The following ABLIM3 variants were observed in gnomAD, a reference collection of about 807,000 sequenced individuals.
ABLIM3 encodes the protein actin-binding LIM protein 3.
In ABLIM3, 61 loss-of-function variants were observed where a neutral mutation model predicts 109.5. That is an observed-to-expected ratio of 0.56 (90% CI 0.45 to 0.69). ABLIM3 has a LOEUF of 0.69. Ranked by LOEUF, ABLIM3 falls within the 30% of genes least tolerant of loss-of-function variation. The pLI is 0.00. For synonymous variants in ABLIM3, 300 were observed against 324.8 expected (o/e 0.92, Z 0.82); for missense variants, 796 against 889.5 (o/e 0.89, Z 1.34).
chr5:149,225,762 A>G (rs943774199), intron 8 of ABLIM3, among the ~76,000 whole-genome samples: 6 of 151,594 alleles, frequency 4.0e-5, no homozygotes, highest in Non-Finnish European at 8.8e-5. Context: ...ATGCTTTTGC[A>G]TCCTCATAGC....
intron 2 of ABLIM3, among the ~76,000 whole-genome samples, chr5:149,171,206 A>G (rs1755387002): frequency 6.6e-6 from 1 of 152,000 alleles, no homozygotes; most frequent in Non-Finnish European, 1.5e-5. Context: ...AATCTCCCCT[A>G]CCCTAGCCTG....
chr5:149,219,840 A>C (rs192882712), intron 8 of ABLIM3: 38 of 152,256 alleles, frequency 2.5e-4, no homozygotes, highest in African/African-American at 7.9e-4. Context: ...CTAGTATTGA[A>C]ACTGCCCTCC....
intron 8 of ABLIM3, among the ~76,000 whole-genome samples, chr5:149,225,467 G>A (rs528401530): frequency 1.2e-4 from 19 of 152,288 alleles, no homozygotes; most frequent in South Asian, 6.2e-4. Context: ...AGGTTCATCC[G>A]TATAATAGCA....
chr5:149,233,176 C>G, intron 9 of ABLIM3, 53 bp from the exon 10 acceptor site: 1 of 1,556,962 alleles, frequency 6.4e-7, no homozygotes, highest in Non-Finnish European at 8.9e-7. Flanking sequence ...TCACCCTCCC[C>G]ACCAAGCTCA....
chr5:149,225,982 G>GTATATATATATATA (rs58844908), intron 8 of ABLIM3, among the ~76,000 whole-genome samples: 4 of 45,522 alleles, frequency 8.8e-5, no homozygotes, highest in Admixed American at 3.2e-4. Context: ...GTGTGTGTGT[G>GTATATATATATATA]TATATATATA....
At chr5:149,194,865 G>A (rs911545528) in intron 3 of ABLIM3, among the ~76,000 whole-genome samples, 8 of 152,158 alleles carry the variant, frequency 5.3e-5, no homozygotes, top group African/African-American at 9.7e-5. Context: ...TAAGGAATTG[G>A]TGATGTTCTG....
chr5:149,252,266 G>A, intron 22 of ABLIM3, 58 bp downstream of exon 22: 1 of 1,591,546 alleles, frequency 6.3e-7, no homozygotes, highest in Non-Finnish European at 8.6e-7. Context: ...GCTACACTGG[G>A]GATCACCAGG....
intron 8 of ABLIM3, among the ~76,000 whole-genome samples, chr5:149,226,196 A>G (rs540558079): frequency 1.1e-4 from 17 of 151,798 alleles, no homozygotes; most frequent in African/African-American, 4.1e-4. Flanking sequence ...GGTGAAAAAA[A>G]AATCCAGAGG....
chr5:149,235,812 T>C (rs549705994), intron 10 of ABLIM3, among the ~76,000 whole-genome samples: 1 of 151,652 alleles, frequency 6.6e-6, no homozygotes, highest in East Asian at 1.9e-4. Flanking sequence ...CCTCAAAGAG[T>C]TCAACTGAGG....
At chr5:149,163,612 C>T (rs904166005) in intron 2 of ABLIM3, among the ~76,000 whole-genome samples, 7 of 152,158 alleles carry the variant, frequency 4.6e-5, no homozygotes, top group African/African-American at 1.4e-4. Flanking sequence ...TGTGTCCCAT[C>T]CCCTCTTATA....
chr5:149,176,630 G>A (rs898685563), intron 2 of ABLIM3, among the ~76,000 whole-genome samples: 5 of 152,084 alleles, frequency 3.3e-5, no homozygotes, highest in African/African-American at 9.7e-5. Flanking sequence ...CTTGAGTTAC[G>A]AGGGCTCAAT....
chr5:149,181,905 G>A (rs979329247), intron 2 of ABLIM3, among the ~76,000 whole-genome samples: 3 of 152,130 alleles, frequency 2.0e-5, no homozygotes, highest in African/African-American at 4.8e-5. Flanking sequence ...TCCTCAATCC[G>A]GATCCAAGCT....
At chr5:149,246,422 C>A (rs1753360251) in intron 16 of ABLIM3, 60 bp from the exon 17 acceptor site, 4 of 1,529,790 alleles carry the variant, frequency 2.6e-6, no homozygotes, top group Admixed American at 2.1e-5. Flanking sequence ...AAAAAAAATG[C>A]CTTAAGCCAG....
At chr5:149,175,111 C>T (rs1415958279) in intron 2 of ABLIM3, among the ~76,000 whole-genome samples, 1 of 152,206 alleles carries the variant, frequency 6.6e-6, no homozygotes, top group Non-Finnish European at 1.5e-5. Flanking sequence ...AAAAAATGCC[C>T]AGACTGGTAG....
intron 11 of ABLIM3, among the ~76,000 whole-genome samples, chr5:149,238,166 A>G (rs2097064671): frequency 6.6e-6 from 1 of 152,212 alleles, no homozygotes; most frequent in Admixed American, 6.5e-5. Context: ...TTTTGAAATC[A>G]TTAAATGGTT....
intron 2 of ABLIM3, among the ~76,000 whole-genome samples, chr5:149,149,403 A>T (rs536422200): frequency 1.3e-5 from 2 of 152,364 alleles, no homozygotes; most frequent in South Asian, 4.1e-4. Flanking sequence ...TTCTGGAAAG[A>T]TGGTGTCATT....
Position 149,225,982 on chromosome 5 carries a change from GTATATATATATATATATATATATA to G in ABLIM3, c.758-4645_758-4622del, listed in dbSNP as rs58844908. Among the ~76,000 whole-genome samples the G allele has an allele frequency of 2.0e-3, 90 of 45,526 alleles. 1 individual carries two copies. Among genetic ancestry groups the G allele is most frequent in the East Asian group, 1.8e-3 (2 of 1,112 alleles). The allele number at this position is 45,526 out of a possible 152,430, so 29.9% of individuals were successfully genotyped here. A position where few individuals can be genotyped will look rare whatever the true frequency, so the allele number is the denominator to read the frequency against. On this transcript the variant is annotated intron_variant, in intron 8 of 23. Transcript: ENST00000309868. Reference sequence around the variant, plus strand: ...TATGTGTGTGTGTGTGTGTGTGTGTGTATATATATATATATATATATATATATATATATATATATATATATCACA... The same window carrying G: ...TATGTGTGTGTGTGTGTGTGTGTGTGTATATATATATATATATATATCACA...
intron 2 of ABLIM3, among the ~76,000 whole-genome samples, chr5:149,179,759 T>G (rs1271154656): frequency 6.6e-6 from 1 of 152,172 alleles, no homozygotes; most frequent in Non-Finnish European, 1.5e-5. Flanking sequence ...CACATGTGAC[T>G]ATTTAGATGT....
intron 15 of ABLIM3, chr5:149,244,428 G>A (rs73275729): frequency 0.072 from 12,445 of 172,624 alleles, 1,190 homozygotes; most frequent in African/African-American, 0.23. Context: ...GGCATCTCAG[G>A]TTGTGAGAAA....
Sources: allele counts gnomAD v4.1 joint callset (sites outside exome capture counted in the v4.1 genomes callset), GRCh38; gene constraint gnomAD v4.1.1; transcripts MANE v1.5; gene names NCBI Gene and HGNC (gene_info 2026-07-23, HGNC 2026-07-21).